The following GLMN variants were observed in gnomAD, a reference collection of about 807,000 sequenced individuals.
GLMN encodes glomulin.
In GLMN, 75 loss-of-function variants were observed where a neutral mutation model predicts 87.8. The ratio of observed to expected loss-of-function variants is 0.85; its 90% CI spans 0.71 to 1.04. The LOEUF (loss-of-function observed/expected upper bound fraction) is 1.04, where lower values mean the gene tolerates loss of function less well. Ranked by LOEUF, GLMN falls within the 50% of genes least tolerant of loss-of-function variation. The pLI is 0.00. For missense variants in GLMN, 588 were observed against 658.8 expected, an observed-to-expected ratio of 0.89 and a Z score of 1.18; for synonymous variants, 206 against 221.6, an observed-to-expected ratio of 0.93 and a Z score of 0.63.
chr1:92,318,073 T>C, the GLMN span, among the ~76,000 whole-genome samples: 1 of 152,214 alleles, frequency 6.6e-6, no homozygotes, highest in Non-Finnish European at 1.5e-5. Context: ...TCTTCTGAGT[T>C]GGCAGACCCT....
chr1:92,316,214 AG>A, the GLMN span, among the ~76,000 whole-genome samples: 1 of 152,200 alleles, frequency 6.6e-6, no homozygotes, highest in African/African-American at 2.4e-5. Context: ...GGTCCAGAGT[AG>A]GGGATTTCAC....
intron 13 of GLMN, 90 bp from the exon 14 acceptor site, chr1:92,264,728 A>G: frequency 1.3e-6 from 1 of 767,002 alleles, no homozygotes; most frequent in Non-Finnish European, 2.4e-6. Context: ...CAAAGAGGCC[A>G]TGTGTTACTT....
intron 7 of GLMN, among the ~76,000 whole-genome samples, chr1:92,284,787 C>T (rs1369811819): frequency 5.9e-5 from 9 of 151,820 alleles, no homozygotes; most frequent in Admixed American, 5.9e-4. Flanking sequence ...AAAAAAAAAT[C>T]CCATCAAAAA....
chr1:92,364,489 T>C, the GLMN span, among the ~76,000 whole-genome samples: 6 of 152,146 alleles, frequency 3.9e-5, no homozygotes, highest in African/African-American at 9.7e-5. Flanking sequence ...TCCTAAATCG[T>C]AGACCAAATT....
At chr1:92,271,419 G>A (rs1206732442) in intron 8 of GLMN, 46 bp downstream of exon 8, 1 of 1,403,904 alleles carries the variant, frequency 7.1e-7, no homozygotes, top group South Asian at 1.2e-5. Flanking sequence ...AGAATTTTAT[G>A]AAATTCCTTT....
In GLMN at chr1:92,267,951, GGTAAA is replaced by G. The variant is rs746161319; in HGVS notation, c.1055_1059del (p.Leu352ProfsTer25). 5 of 1,552,750 alleles carry G rather than the reference GGTAAA, an allele frequency of 3.2e-6. No homozygotes were observed. Among genetic ancestry groups the G allele is most frequent in the African/African-American group, 1.4e-5 (1 of 73,708 alleles). On this transcript the variant is annotated frameshift_variant, in exon 11 of 19. Coordinates refer to ENST00000370360, the MANE Select transcript of GLMN (RefSeq NM_053274.3). LOFTEE classifies it high-confidence loss of function. ...AGAAAACTCTTGATTTCTAAGTACT[GGTAAA>G]GTAGACTATTGTCTTCTATTCTCAA... is the stretch of plus-strand genomic sequence containing the variant.
At chr1:92,351,022 A>T in the GLMN span, among the ~76,000 whole-genome samples, 3 of 152,042 alleles carry the variant, frequency 2.0e-5, no homozygotes, top group South Asian at 4.1e-4. Flanking sequence ...TGAAGTTAGA[A>T]AGGACAGTAG....
At position 92,256,749 on chromosome 1, in the gene GLMN, G is replaced by A. The variant is rs541278295; in HGVS notation, c.1473+6114C>T. On this transcript the variant is annotated intron_variant, in intron 16 of 18. Transcript: ENST00000370360. ...TCAATAAACTAGGTATTGATGGAAC[G>A]TATCTCAAAATAATAAGAGCTATTT... Among the ~76,000 whole-genome samples the A allele has an allele frequency of 7.3e-4, 111 of 152,180 alleles. 1 individual carries two copies. The highest frequency in any genetic ancestry group is 2.1e-3 in the African/African-American group (88 of 41,518).
chr1:92,318,862 A>T, the GLMN span, among the ~76,000 whole-genome samples: 11 of 152,202 alleles, frequency 7.2e-5, no homozygotes, highest in Admixed American at 7.2e-4. Context: ...GAGAGAAATG[A>T]GTACAGATTC....
At chr1:92,297,599 A>T in intron 2 of GLMN, 70 bp from the exon 3 acceptor site, 1 of 1,271,224 alleles carries the variant, frequency 7.9e-7, no homozygotes. Flanking sequence ...TAAATACAAT[A>T]ACTTCTTGAT....
chr1:92,260,284 T>C (rs1654855999), intron 16 of GLMN, among the ~76,000 whole-genome samples: 1 of 152,150 alleles, frequency 6.6e-6, no homozygotes, highest in Admixed American at 6.5e-5. Flanking sequence ...TTTAGAATAT[T>C]TGATCCCTTA....
chr1:92,270,735 A>ATCC (rs1656154989), intron 8 of GLMN, among the ~76,000 whole-genome samples: 2 of 152,184 alleles, frequency 1.3e-5, no homozygotes, highest in Non-Finnish European at 2.9e-5. Flanking sequence ...GGTCAAGGTA[A>ATCC]TTATAATAGA....
rs1435767935 is a variant in GLMN, at chr1:92,271,571, C to T, written c.817G>A (p.Glu273Lys). 1 of 1,611,334 alleles carries T rather than the reference C, an allele frequency of 6.2e-7. No homozygotes were observed. The highest frequency in any genetic ancestry group is 1.1e-5 in the South Asian group (1 of 90,990). Residue 273 changes from glutamate to lysine, a missense_variant, in exon 8 of 19, where the codon GAA (glutamate) becomes AAA (lysine). Coordinates refer to ENST00000370360, the MANE Select transcript of GLMN (RefSeq NM_053274.3). ...TGTTTATTTTCTTCTTCTTCAAATT[C>T]AAGGTAATTCCAAGTTCTCTTTTTC... is the stretch of plus-strand genomic sequence containing the variant. Reference protein sequence around the residue: ...GRKKRTWNYLEFEEEENKQLA... With the variant: ...GRKKRTWNYLKFEEEENKQLA...
intron 16 of GLMN, among the ~76,000 whole-genome samples, chr1:92,249,196 TAC>T (rs896017596): frequency 4.8e-4 from 73 of 151,896 alleles, no homozygotes; most frequent in African/African-American, 1.7e-3. Context: ...AGAAAAAATG[TAC>T]AGACGTATTA....
the GLMN span, among the ~76,000 whole-genome samples, chr1:92,364,621 T>C: frequency 2.0e-5 from 3 of 152,202 alleles, no homozygotes; most frequent in Non-Finnish European, 4.4e-5. Flanking sequence ...GGTATCCTCC[T>C]AATTACCCAG....
chr1:92,346,042 T>A, the GLMN span: 6 of 561,828 alleles, frequency 1.1e-5, no homozygotes, highest in Non-Finnish European at 1.9e-5. Context: ...TGTGCCTTAT[T>A]TTCCTTTCCT....
At chr1:92,292,379 C>T (rs1649505733) in intron 3 of GLMN, among the ~76,000 whole-genome samples, 1 of 151,926 alleles carries the variant, frequency 6.6e-6, no homozygotes, top group African/African-American at 2.4e-5. Context: ...TAGTGAGACC[C>T]TGTCTCTGTT....
chr1:92,323,760 T>A, the GLMN span: 1 of 1,614,068 alleles, frequency 6.2e-7, no homozygotes, highest in Non-Finnish European at 8.5e-7. Flanking sequence ...GCAAATTAGA[T>A]AGTCAGGAGA....
chr1:92,314,106 G>A, the GLMN span, among the ~76,000 whole-genome samples: 2 of 152,254 alleles, frequency 1.3e-5, no homozygotes, highest in South Asian at 2.1e-4. Context: ...TGTGTTCACT[G>A]GACTAGCATT....
Sources: allele counts gnomAD v4.1 joint callset (sites outside exome capture counted in the v4.1 genomes callset), GRCh38; gene constraint gnomAD v4.1.1; transcripts MANE v1.5; gene names NCBI Gene and HGNC (gene_info 2026-07-23, HGNC 2026-07-21).